The following MIA2 variants were observed in gnomAD, a reference collection of about 807,000 sequenced individuals.
MIA2 encodes the protein melanoma inhibitory activity protein 2.
A neutral mutation model predicts 167.8 loss-of-function variants in MIA2; 127 were observed. The observed-to-expected ratio is 0.76, with a 90% CI of 0.66 to 0.88. The LOEUF is 0.88. Ranked by LOEUF, MIA2 falls within the 40% of genes least tolerant of loss-of-function variation. MIA2 has a pLI of 0.00. For synonymous variants in MIA2, 552 were observed against 541.9 expected, an observed-to-expected ratio of 1.02 and a Z score of -0.26; for missense variants, 1,690 against 1,624.7, an observed-to-expected ratio of 1.04 and a Z score of -0.69.
At chr14:39,248,934 TCA>T (rs1194553017) in intron 4 of MIA2, among the ~76,000 whole-genome samples, 1 of 152,130 alleles carries the variant, frequency 6.6e-6, no homozygotes, top group Non-Finnish European at 1.5e-5. Context: ...AGACGGGGTT[TCA>T]CTATGTTGTC....
chr14:39,298,728 A>G lies in MIA2; in HGVS notation c.2497-1136A>G, dbSNP rs188180945. The stretch of plus-strand genomic sequence containing the variant: ...CTTTTTTCTTTGCCTATTTTTTCTT[A>G]TTGACATCTAAGAGCTCTTTGCTTG... On this transcript the variant is annotated intron_variant, in intron 13 of 28. Transcript: ENST00000640607. Among the ~76,000 whole-genome samples the G allele has an allele frequency of 1.3e-3, 199 of 149,368 alleles. 1 individual carries two copies. The highest frequency in any genetic ancestry group is 2.4e-4 in the Non-Finnish European group (16 of 67,352).
At chr14:39,370,423 C>CT (rs1034838560) in intron 23 of MIA2, 3 of 237,840 alleles carry the variant, frequency 1.3e-5, no homozygotes, top group African/African-American at 2.3e-5. Context: ...CCCTGACAAA[C>CT]TCTCCATTGA....
At chr14:39,353,196 TC>T (rs1246390263), downstream of MIA2, among the ~76,000 whole-genome samples, 3 of 152,342 alleles carry the variant, frequency 2.0e-5, no homozygotes, top group Admixed American at 6.5e-5. Context: ...CATATGATTA[TC>T]ATTTCAAGTC....
chr14:39,324,680 C>T (rs995425129), intron 24 of MIA2, among the ~76,000 whole-genome samples: 2 of 151,130 alleles, frequency 1.3e-5, no homozygotes, highest in African/African-American at 2.4e-5. Flanking sequence ...GATCTCGGTT[C>T]ACTGCAACCC....
chr14:39,304,642 G>A (rs896661269), intron 17 of MIA2, among the ~76,000 whole-genome samples: 2 of 151,834 alleles, frequency 1.3e-5, no homozygotes, highest in South Asian at 2.1e-4. Flanking sequence ...ATTTATCTTC[G>A]AATTACAGTG....
chr14:39,246,693 A>G (rs2054328547), intron 3 of MIA2, among the ~76,000 whole-genome samples: 1 of 152,176 alleles, frequency 6.6e-6, no homozygotes, highest in South Asian at 2.1e-4. Flanking sequence ...TCTAAAAACA[A>G]ACAAAGAAAC....
Position 39,320,987 on chromosome 14 carries a change from C to G in MIA2, c.3427C>G (p.Leu1143Val), listed in dbSNP as rs758756263. 1.2e-6 allele frequency: 2 copies of G among 1,613,770 alleles called. No individual in the cohort carries two copies. The highest frequency in any genetic ancestry group is 8.5e-7 in the Non-Finnish European group (1 of 1,179,738). Residue 1143 changes from leucine to valine, a missense_variant, in exon 24 of 29, where the codon CTC becomes GTC. By Grantham distance (32) the Leu-to-Val change is conservative. Coordinates refer to ENST00000640607, the MANE Select transcript of MIA2 (RefSeq NM_001329214.4). ...GCCTTCATCTGAAACAAGAGCTTTTCTCTCTCCTCCAACTTTGTTGGAGGG... is the reference window on the plus strand; with the variant it reads ...GCCTTCATCTGAAACAAGAGCTTTTGTCTCTCCTCCAACTTTGTTGGAGGG... The part of the protein sequence containing the change: ...GWPSSETRAF[L>V]SPPTLLEGPL...
At chr14:39,306,222 G>A (rs1161810828) in intron 17 of MIA2, among the ~76,000 whole-genome samples, 1 of 151,998 alleles carries the variant, frequency 6.6e-6, no homozygotes, top group Non-Finnish European at 1.5e-5. Flanking sequence ...TGGTTTGTAT[G>A]TTTAATGGGT....
At chr14:39,365,973 T>G (rs559855775) in intron 23 of MIA2, among the ~76,000 whole-genome samples, 22 of 152,330 alleles carry the variant, frequency 1.4e-4, no homozygotes, top group Non-Finnish European at 2.8e-4. Context: ...TATTGGCTTT[T>G]GTAGGGCCAG....
At chr14:39,287,629 TCTC>T (rs1489692091) in intron 9 of MIA2, among the ~76,000 whole-genome samples, 2 of 152,148 alleles carry the variant, frequency 1.3e-5, no homozygotes, top group Non-Finnish European at 2.9e-5. Flanking sequence ...AGTGGCGTGA[TCTC>T]GGCTCACTGC....
intron 1 of MIA2, among the ~76,000 whole-genome samples, chr14:39,234,649 C>G (rs953820669): frequency 6.6e-6 from 1 of 151,878 alleles, no homozygotes; most frequent in African/African-American, 2.4e-5. Flanking sequence ...GTTTCTGTTT[C>G]ACACTCAGAA....
exon 24 of MIA2, chr14:39,387,869 T>G (rs999871083): frequency 6.6e-6 from 1 of 152,148 alleles, no homozygotes; most frequent in Non-Finnish European, 1.5e-5. Flanking sequence ...GGAAAAAGAT[T>G]ATGACTCGCT....
intron 9 of MIA2, 56 bp downstream of exon 9, chr14:39,279,593 C>T (rs2058640420): frequency 1.8e-6 from 2 of 1,102,152 alleles, no homozygotes; most frequent in Admixed American, 4.2e-5. Flanking sequence ...TTATACTTCT[C>T]ACTGTAGGTA....
In MIA2 at chr14:39,292,112, A is replaced by G. The variant is rs542407525; in HGVS notation, c.2208+1016A>G. Among the ~76,000 whole-genome samples the G allele has an allele frequency of 2.0e-5, 3 of 152,300 alleles. No individual in the cohort carries two copies. The East Asian group carries it at 5.8e-4, about 29-fold the overall frequency. On this transcript the variant is annotated intron_variant, in intron 10 of 28. Coordinates refer to ENST00000640607, the MANE Select transcript of MIA2 (RefSeq NM_001329214.4). ...TTAATGTTTTCTTCATTTGTTGCCT[A>G]TTACTATCTTCAAGAACTTGTTGAA...
chr14:39,266,598 C>T (rs988866525), intron 6 of MIA2: 35 of 985,394 alleles, frequency 3.6e-5, no homozygotes, highest in Non-Finnish European at 4.2e-5. Flanking sequence ...CACAGCTGAG[C>T]CGGGACGCCT....
chr14:39,296,464 T>C (rs1161969761), intron 13 of MIA2, among the ~76,000 whole-genome samples: 2 of 151,894 alleles, frequency 1.3e-5, no homozygotes, highest in African/African-American at 4.8e-5. Flanking sequence ...TTAATATCTT[T>C]TTATTGTTTC....
Position 39,247,629 on chromosome 14 carries a change from C to T in MIA2, c.1055C>T (p.Thr352Ile), listed in dbSNP as rs2054370632. ...PNSISSDKEA[T>I]VPCTEILTEK... is the part of the protein sequence containing the mutation. Reference sequence around the variant, plus strand: ...TCCATATCATCTGATAAAGAAGCCACAGTTCCATGTACAGAAATATTAACA... The same window carrying T: ...TCCATATCATCTGATAAAGAAGCCATAGTTCCATGTACAGAAATATTAACA... Residue 352 changes from threonine to isoleucine, a missense_variant, in exon 4 of 29, where the codon ACA becomes ATA. Transcript: ENST00000640607. 1.9e-6 allele frequency: 3 copies of T among 1,613,530 alleles called. No homozygotes were observed. In the Admixed American group the frequency reaches 5.0e-5, roughly 27 times the overall value.
intron 2 of MIA2, among the ~76,000 whole-genome samples, chr14:39,239,821 C>T (rs1390654713): frequency 1.3e-5 from 2 of 152,144 alleles, no homozygotes; most frequent in African/African-American, 2.4e-5. Context: ...ACACTGTGGA[C>T]CCACAGTCTG....
chr14:39,273,548 G>C (rs545927949), intron 6 of MIA2, among the ~76,000 whole-genome samples: 21 of 152,060 alleles, frequency 1.4e-4, no homozygotes, highest in Admixed American at 2.6e-4. Context: ...ACTATGAAAC[G>C]GTGCTAGATA....
Sources: allele counts gnomAD v4.1 joint callset (sites outside exome capture counted in the v4.1 genomes callset), GRCh38; gene constraint gnomAD v4.1.1; transcripts MANE v1.5; gene names NCBI Gene and HGNC (gene_info 2026-07-23, HGNC 2026-07-21).